Variants in CNTN6 observed in about 807,000 individuals in gnomAD.
The protein encoded by CNTN6 is contactin 6.
CNTN6 carries 137 observed loss-of-function variants against 122.8 expected under a neutral mutation model. That is an observed-to-expected ratio of 1.12 (90% CI 0.97 to 1.29). The LOEUF is 1.29. Among genes scored for constraint, CNTN6 ranks in the 50% most tolerant of loss-of-function variants. The pLI, the probability that CNTN6 is intolerant of heterozygous loss-of-function variation, is 0.00. For synonymous variants in CNTN6, 570 were observed against 426.0 expected (o/e 1.34, Z -4.16); for missense variants, 1,634 against 1,223.4 (o/e 1.34, Z -5.01).
intron 11 of CNTN6, among the ~76,000 whole-genome samples, chr3:1,343,808 A>C (rs1016574053): frequency 1.3e-5 from 2 of 152,162 alleles, no homozygotes; most frequent in African/African-American, 4.8e-5. Flanking sequence ...GTTGGCATAG[A>C]AATCAAGCAA....
intron 2 of CNTN6, among the ~76,000 whole-genome samples, chr3:1,177,632 T>A (rs2125324247): frequency 6.6e-6 from 1 of 152,264 alleles, no homozygotes; most frequent in Non-Finnish European, 1.5e-5. Flanking sequence ...TTCTCCATAA[T>A]TTTTGAAAGA....
chr3:1,387,258 T>C (rs1437598324), intron 20 of CNTN6, among the ~76,000 whole-genome samples: 1 of 152,220 alleles, frequency 6.6e-6, no homozygotes, highest in Non-Finnish European at 1.5e-5. Flanking sequence ...TGAACCAAAT[T>C]TCCTCCAGTC....
intron 20 of CNTN6, among the ~76,000 whole-genome samples, chr3:1,393,879 T>C (rs1200871686): frequency 1.3e-5 from 2 of 152,196 alleles, no homozygotes; most frequent in Non-Finnish European, 2.9e-5. Context: ...TTCTGTATGA[T>C]ATATACATAT....
At chr3:1,163,948 C>T (rs547992767) in intron 2 of CNTN6, among the ~76,000 whole-genome samples, 1 of 152,276 alleles carries the variant, frequency 6.6e-6, no homozygotes, top group Non-Finnish European at 1.5e-5. Context: ...GAAATCTGCA[C>T]CAGGAAACAA....
chr3:1,233,662 G>A (rs1173742456), intron 4 of CNTN6, among the ~76,000 whole-genome samples: 3 of 147,012 alleles, frequency 2.0e-5, no homozygotes, highest in Admixed American at 7.0e-5. Context: ...GTGAACCCGG[G>A]AGGCAGAGGT....
At chr3:1,243,963 G>A (rs2094523764) in intron 4 of CNTN6, among the ~76,000 whole-genome samples, 1 of 152,094 alleles carries the variant, frequency 6.6e-6, no homozygotes, top group South Asian at 2.1e-4. Flanking sequence ...ATCGCATTGG[G>A]AACAGAGGCT....
At chr3:1,149,036 A>G (rs2092782370) in intron 2 of CNTN6, among the ~76,000 whole-genome samples, 2 of 152,216 alleles carry the variant, frequency 1.3e-5, no homozygotes, top group African/African-American at 4.8e-5. Context: ...ATAAGTCACA[A>G]GACAAGTTCA....
At chr3:1,127,594 G>T (rs1012186213) in intron 1 of CNTN6, among the ~76,000 whole-genome samples, 3 of 151,822 alleles carry the variant, frequency 2.0e-5, no homozygotes, top group African/African-American at 7.2e-5. Flanking sequence ...ACCAGAAGAA[G>T]CCTGTGAAGT....
At chr3:1,176,531 G>A (rs189261070) in intron 2 of CNTN6, among the ~76,000 whole-genome samples, 71 of 152,218 alleles carry the variant, frequency 4.7e-4, no homozygotes, top group Non-Finnish European at 6.9e-4. Context: ...ACAAAGATAC[G>A]AGGCAAACTA....
chr3:1,189,100 A>G (rs2093666170), intron 2 of CNTN6, among the ~76,000 whole-genome samples: 1 of 152,246 alleles, frequency 6.6e-6, no homozygotes, highest in African/African-American at 2.4e-5. Flanking sequence ...TTTGATTGCC[A>G]TCTAGCTACA....
At chr3:1,371,969 T>G (rs1022058489) in intron 12 of CNTN6, among the ~76,000 whole-genome samples, 10 of 152,142 alleles carry the variant, frequency 6.6e-5, no homozygotes, top group African/African-American at 2.4e-4. Flanking sequence ...AATTGTAATG[T>G]TATGACTAAA....
intron 11 of CNTN6, among the ~76,000 whole-genome samples, chr3:1,346,446 C>T (rs1704710375): frequency 1.3e-5 from 2 of 152,090 alleles, no homozygotes; most frequent in South Asian, 4.1e-4. Context: ...AGATTTGTTC[C>T]TGCTCTCTTG....
chr3:1,359,682 AAAAC>A (rs1324552164), intron 12 of CNTN6, among the ~76,000 whole-genome samples: 1 of 152,100 alleles, frequency 6.6e-6, no homozygotes, highest in Non-Finnish European at 1.5e-5. Context: ...AAGAGGATAT[AAAAC>A]ATTTTAGACT....
chr3:1,097,695 T>C (rs2124928743), intron 1 of CNTN6, among the ~76,000 whole-genome samples: 1 of 152,244 alleles, frequency 6.6e-6, no homozygotes, highest in South Asian at 2.1e-4. Context: ...AGTATTGACT[T>C]TACAGTATTT....
At chr3:1,167,866 G>A (rs908839333) in intron 2 of CNTN6, among the ~76,000 whole-genome samples, 9 of 152,126 alleles carry the variant, frequency 5.9e-5, no homozygotes, top group Admixed American at 5.9e-4. Flanking sequence ...CATGAGTTAG[G>A]ATCTCAAAAT....
At chr3:1,166,679 T>TAC (rs1434123038) in intron 2 of CNTN6, among the ~76,000 whole-genome samples, 3 of 152,098 alleles carry the variant, frequency 2.0e-5, no homozygotes, top group Non-Finnish European at 2.9e-5. Flanking sequence ...GTGGCACATA[T>TAC]ACACCACAGA....
rs2092758357 is a variant in CNTN6, at chr3:1,147,983, G to GA, written c.-23dup. ...TTTTGTTCCACCTGATTGTATGGGAGAAATTTTTGACCTTAGAAAGTGGAA... is the reference window on the plus strand; with the variant it reads ...TTTTGTTCCACCTGATTGTATGGGAGAAAATTTTTGACCTTAGAAAGTGGAA... On this transcript the variant is annotated 5_prime_UTR_variant, in exon 2 of 23. It introduces an in-frame stop codon into an upstream open reading frame of the 5' UTR. Coordinates refer to ENST00000446702, the MANE Select transcript of CNTN6 (RefSeq NM_001289080.2). The GA allele has an allele frequency of 6.3e-7, 1 of 1,594,146 alleles. No individual in the cohort carries two copies. The highest frequency in any genetic ancestry group is 8.6e-7 in the Non-Finnish European group (1 of 1,163,742).
At chr3:1,133,896 T>C (rs1256513007) in intron 1 of CNTN6, among the ~76,000 whole-genome samples, 2 of 152,214 alleles carry the variant, frequency 1.3e-5, no homozygotes, top group Non-Finnish European at 2.9e-5. Flanking sequence ...AGGCAGTATC[T>C]GGAGCAACAG....
chr3:1,217,707 T>A (rs1226977354), intron 2 of CNTN6, among the ~76,000 whole-genome samples: 1 of 152,164 alleles, frequency 6.6e-6, no homozygotes, highest in Non-Finnish European at 1.5e-5. Flanking sequence ...TGAAATCTGT[T>A]CTCAGATTCC....
Sources: allele counts gnomAD v4.1 joint callset (sites outside exome capture counted in the v4.1 genomes callset), GRCh38; gene constraint gnomAD v4.1.1; transcripts MANE v1.5; gene names NCBI Gene and HGNC (gene_info 2026-07-23, HGNC 2026-07-21).